The following FAT3 variants were observed in gnomAD, a reference collection of about 807,000 sequenced individuals.
The protein encoded by FAT3 is protocadherin Fat 3.
A neutral mutation model predicts 310.2 loss-of-function variants in FAT3; 95 were observed. That is an observed-to-expected ratio of 0.31 (90% CI 0.26 to 0.36). The LOEUF is 0.36. Ranked by LOEUF, FAT3 falls within the 10% of genes least tolerant of loss-of-function variation. FAT3 has a pLI of 1.00. For missense variants in FAT3, 5,408 were observed against 5,715.6 expected (o/e 0.95, Z 1.74); for synonymous variants, 2,314 against 2,192.9 (o/e 1.06, Z -1.54).
chr11:92,504,830 C>G lies in FAT3; in HGVS notation c.3293-19804C>G, dbSNP rs574377675. ...TAAGACATTGCTCTCCTGTAAAACA[C>G]TCATTCAATAGTCAGACATAGAAAA... On this transcript the variant is annotated intron_variant, in intron 2 of 27. Coordinates refer to ENST00000525166, the MANE Select transcript of FAT3 (RefSeq NM_001367949.2). Among the ~76,000 whole-genome samples, 9 of 152,196 alleles carry G rather than the reference C, an allele frequency of 5.9e-5. No individual in the cohort carries two copies. In the South Asian group the frequency reaches 1.5e-3, roughly 25 times the overall value.
At chr11:92,274,502 T>C (rs1248759298) in intron 1 of FAT3, among the ~76,000 whole-genome samples, 1 of 152,066 alleles carries the variant, frequency 6.6e-6, no homozygotes, top group Non-Finnish European at 1.5e-5. Flanking sequence ...TTCTTGACCA[T>C]TTCAGGTTTC....
rs116131881 is a variant in FAT3 at position 92,680,986 on chromosome 11, A to G, written c.3608-16398A>G. Among the ~76,000 whole-genome samples the G allele has an allele frequency of 4.4e-3, 671 of 152,372 alleles. 4 individuals carry two copies. The highest frequency in any genetic ancestry group is 0.015 in the African/African-American group (625 of 41,588). ...AAACATTCAATATGAAAATTCAAAT[A>G]GGACAAAAAGCATGCAGAATATTTA... On this transcript the variant is annotated intron_variant, in intron 3 of 27. Coordinates refer to ENST00000525166, the MANE Select transcript of FAT3 (RefSeq NM_001367949.2).
intron 3 of FAT3, among the ~76,000 whole-genome samples, chr11:92,636,156 T>C (rs559094928): frequency 6.6e-6 from 1 of 151,948 alleles, no homozygotes; most frequent in Admixed American, 6.6e-5. Flanking sequence ...AGAGATGGAG[T>C]TTTACCATGT....
intron 3 of FAT3, among the ~76,000 whole-genome samples, chr11:92,621,982 T>A (rs1354659244): frequency 6.6e-6 from 1 of 152,154 alleles, no homozygotes; most frequent in Non-Finnish European, 1.5e-5. Context: ...CATGTTTAGA[T>A]CCACTGATTT....
At chr11:92,849,510 A>G (rs1167897666) in intron 19 of FAT3, among the ~76,000 whole-genome samples, 1 of 152,210 alleles carries the variant, frequency 6.6e-6, no homozygotes, top group Non-Finnish European at 1.5e-5. Context: ...CCTCTGGATA[A>G]CTAAGGATAA....
chr11:92,269,312 G>C (rs754498166), intron 1 of FAT3, among the ~76,000 whole-genome samples: 4 of 152,088 alleles, frequency 2.6e-5, no homozygotes, highest in Non-Finnish European at 5.9e-5. Flanking sequence ...ACTCAGAAGT[G>C]CCCTGAATTC....
intron 1 of FAT3, among the ~76,000 whole-genome samples, chr11:92,283,668 G>A (rs1946487620): frequency 1.3e-5 from 2 of 152,144 alleles, no homozygotes; most frequent in Non-Finnish European, 1.5e-5. Flanking sequence ...CCCCTTCTCA[G>A]TGAGACTGGA....
chr11:92,614,173 GT>G (rs1222520431), intron 3 of FAT3, among the ~76,000 whole-genome samples: 1 of 151,910 alleles, frequency 6.6e-6, no homozygotes, highest in African/African-American at 2.4e-5. Flanking sequence ...CTGTTTCCAT[GT>G]TTTTTTGGCT....
intron 3 of FAT3, among the ~76,000 whole-genome samples, chr11:92,619,777 G>T (rs1940997184): frequency 6.6e-6 from 1 of 150,836 alleles, no homozygotes; most frequent in South Asian, 2.1e-4. Context: ...GCTCAATTTT[G>T]TCAAATTTGT....
At chr11:92,851,303 A>G (rs1446000936) in intron 19 of FAT3, among the ~76,000 whole-genome samples, 3 of 152,192 alleles carry the variant, frequency 2.0e-5, no homozygotes, top group Admixed American at 6.5e-5. Flanking sequence ...GAGACCCTGT[A>G]GTAATTTGTT....
intron 1 of FAT3, among the ~76,000 whole-genome samples, chr11:92,249,865 C>T (rs1017902279): frequency 4.6e-5 from 7 of 152,024 alleles, no homozygotes; most frequent in South Asian, 2.1e-4. Context: ...TTAATATTAA[C>T]TACATAATGA....
At chr11:92,652,184 A>C (rs964385396) in intron 3 of FAT3, among the ~76,000 whole-genome samples, 1 of 150,090 alleles carries the variant, frequency 6.7e-6, no homozygotes, top group Admixed American at 6.6e-5. Context: ...ACCAGGGCTG[A>C]CTCCAAAGCC....
Position 92,891,062 on chromosome 11 carries a change from C to T in FAT3, c.13719C>T (p.Leu4573=), listed in dbSNP as rs758214772. 8.1e-6 allele frequency: 13 copies of T among 1,613,608 alleles called. No individual in the cohort carries two copies. Among genetic ancestry groups the T allele is most frequent in the Admixed American group, 1.7e-5 (1 of 59,962 alleles). Residue 4573 remains leucine, a synonymous_variant, in exon 28 of 28, where the codon CTC becomes CTT. Coordinates refer to ENST00000525166, the MANE Select transcript of FAT3 (RefSeq NM_001367949.2). ...ACGAGAGCGTGGGAGAGCTCAGCCT[C>T]GCCAGCCTTCACATTCCCTTTGTGG... ...SDYESVGELS[L]ASLHIPFVET...
intron 3 of FAT3, among the ~76,000 whole-genome samples, chr11:92,601,525 A>G (rs1940025603): frequency 1.3e-5 from 2 of 152,048 alleles, no homozygotes; most frequent in South Asian, 4.1e-4. Flanking sequence ...AACCCAGGAG[A>G]TGGAGGTTGC....
At chr11:92,585,272 A>C (rs1294234362) in intron 3 of FAT3, among the ~76,000 whole-genome samples, 6 of 152,176 alleles carry the variant, frequency 3.9e-5, no homozygotes, top group African/African-American at 9.6e-5. Context: ...ATTTAATTTT[A>C]CACTTTCTGT....
intron 1 of FAT3, among the ~76,000 whole-genome samples, chr11:92,228,265 ATCTT>A (rs1437457494): frequency 1.3e-5 from 2 of 152,070 alleles, no homozygotes; most frequent in Admixed American, 1.3e-4. Flanking sequence ...CCTTTTAGAA[ATCTT>A]TCTTTCAAAT....
chr11:92,416,145 G>A (rs1314768743), intron 2 of FAT3, among the ~76,000 whole-genome samples: 1 of 149,928 alleles, frequency 6.7e-6, no homozygotes, highest in Non-Finnish European at 1.5e-5. Flanking sequence ...GAAGGCTGAG[G>A]TGGGCAGATC....
chr11:92,816,695 G>A (rs1344715151), intron 13 of FAT3, among the ~76,000 whole-genome samples: 2 of 152,224 alleles, frequency 1.3e-5, no homozygotes, highest in Admixed American at 6.5e-5. Context: ...AAAGGAAAGA[G>A]CTGGGTGTGG....
At chr11:92,348,724 A>G (rs1351256094) in intron 1 of FAT3, among the ~76,000 whole-genome samples, 2 of 152,122 alleles carry the variant, frequency 1.3e-5, no homozygotes, top group African/African-American at 2.4e-5. Context: ...GAATCTCTTC[A>G]TTTTATGGAC....
Sources: allele counts gnomAD v4.1 joint callset (sites outside exome capture counted in the v4.1 genomes callset), GRCh38; gene constraint gnomAD v4.1.1; transcripts MANE v1.5; gene names NCBI Gene and HGNC (gene_info 2026-07-23, HGNC 2026-07-21).